The following PAX2 variants were observed in gnomAD, a reference collection of about 807,000 sequenced individuals.
PAX2 encodes paired box 2.
Under a neutral mutation model 41.7 loss-of-function variants are expected in PAX2, and 9 were observed. That is an observed-to-expected ratio of 0.22 (90% CI 0.13 to 0.38). The LOEUF is 0.38. Ranked by LOEUF, PAX2 falls within the 10% of genes least tolerant of loss-of-function variation. The pLI, the probability that PAX2 is intolerant of heterozygous loss-of-function variation, is 1.00. For missense variants in PAX2, 418 were observed against 531.6 expected (o/e 0.79, Z 2.10); for synonymous variants, 221 against 212.7 (o/e 1.04, Z -0.34).
intron 5 of PAX2, among the ~76,000 whole-genome samples, chr10:100,789,420 T>C (rs1847010627): frequency 6.6e-6 from 1 of 152,228 alleles, no homozygotes; most frequent in Non-Finnish European, 1.5e-5. Flanking sequence ...TTTGTGCTTC[T>C]CTAAGGAGAG....
At position 100,785,174 on chromosome 10, in the gene PAX2, G is replaced by A. The variant is rs1236663074; in HGVS notation, c.616+3809G>A. On this transcript the variant is annotated intron_variant, in intron 5 of 9. Coordinates refer to ENST00000355243, the MANE Select transcript of PAX2 (RefSeq NM_000278.5). ...ACTGTGTGAGCTGGTTTATGTGGCTGGAGGAGAGAGATTCTTGTATTTCCC... is the reference window on the plus strand; with the variant it reads ...ACTGTGTGAGCTGGTTTATGTGGCTAGAGGAGAGAGATTCTTGTATTTCCC... 2.0e-5 allele frequency among the ~76,000 whole-genome samples: 3 copies of A among 152,312 alleles called. No individual in the cohort carries two copies. In the East Asian group the frequency reaches 5.8e-4, roughly 29 times the overall value.
At chr10:100,814,351 CAAAA>C (rs11458573) in intron 7 of PAX2, among the ~76,000 whole-genome samples, 10 of 53,724 alleles carry the variant, frequency 1.9e-4, no homozygotes, top group African/African-American at 7.1e-4. Context: ...GACTCCATCT[CAAAA>C]AAAAAAAAAA....
At chr10:100,752,139 A>G (rs1252382024) in intron 3 of PAX2, among the ~76,000 whole-genome samples, 1 of 152,230 alleles carries the variant, frequency 6.6e-6, no homozygotes, top group Non-Finnish European at 1.5e-5. Flanking sequence ...CTCGTGCTGT[A>G]ATGTACTGCG....
upstream of PAX2, among the ~76,000 whole-genome samples, chr10:100,742,586 C>T (rs1379829485): frequency 3.3e-5 from 5 of 152,154 alleles, no homozygotes; most frequent in East Asian, 9.6e-4. Flanking sequence ...AAGCAAATCC[C>T]GAGATGGGTA....
chr10:100,801,479 G>A (rs1847561812), intron 5 of PAX2, among the ~76,000 whole-genome samples: 1 of 152,236 alleles, frequency 6.6e-6, no homozygotes, highest in Non-Finnish European at 1.5e-5. Context: ...AAGACCTGTA[G>A]TAGCTCACCC....
At chr10:100,822,294 C>G (rs1564745240) in intron 7 of PAX2, among the ~76,000 whole-genome samples, 1 of 152,022 alleles carries the variant, frequency 6.6e-6, no homozygotes, top group Non-Finnish European at 1.5e-5. Flanking sequence ...TCTTATCAGC[C>G]TATAAAAAAT....
chr10:100,736,499 C>G (rs1844779619), intron 1 of PAX2, among the ~76,000 whole-genome samples: 1 of 152,122 alleles, frequency 6.6e-6, no homozygotes, highest in Non-Finnish European at 1.5e-5. Context: ...GAACAGGTTT[C>G]CAGAGTTTTC....
intron 5 of PAX2, among the ~76,000 whole-genome samples, chr10:100,785,427 G>A (rs1212690687): frequency 2.0e-5 from 3 of 152,210 alleles, no homozygotes; most frequent in Non-Finnish European, 2.9e-5. Flanking sequence ...CCATGATTTT[G>A]CATTCCATTC....
chr10:100,789,652 G>A (rs528858236), intron 5 of PAX2, among the ~76,000 whole-genome samples: 8 of 152,230 alleles, frequency 5.3e-5, no homozygotes, highest in African/African-American at 1.9e-4. Flanking sequence ...GGTCCACTTA[G>A]TCCAAGAAAG....
intron 4 of PAX2, 63 bp from the exon 5 acceptor site, chr10:100,781,183 T>A: frequency 6.3e-7 from 1 of 1,580,270 alleles, no homozygotes; most frequent in South Asian, 1.1e-5. Flanking sequence ...CTTGGGGCTT[T>A]GGCCTACGAT....
At position 100,749,698 on chromosome 10, in the gene PAX2, G is replaced by C. The variant is rs116664440; in HGVS notation, c.44-48G>C. ...GGCCGCGGACCCTGACTAATGGCCG[G>C]TCCCTGCTGTGTGTGGGGTGTTGTG... On this transcript the variant is annotated intron_variant, in intron 1 of 9. Coordinates refer to ENST00000355243, the MANE Select transcript of PAX2 (RefSeq NM_000278.5). The C allele has an allele frequency of 2.3e-3, 3,670 of 1,587,550 alleles. 81 individuals are homozygous for C. The African/African-American group carries it at 0.043, about 19-fold the overall frequency.
At chr10:100,742,908 T>A (rs1367656961), upstream of PAX2, among the ~76,000 whole-genome samples, 1 of 122,772 alleles carries the variant, frequency 8.1e-6, no homozygotes, top group Non-Finnish European at 1.6e-5. Context: ...CCCACCCCTC[T>A]ACTAGACTGT....
intron 5 of PAX2, among the ~76,000 whole-genome samples, chr10:100,789,430 G>C (rs1354606005): frequency 6.6e-6 from 1 of 152,190 alleles, no homozygotes; most frequent in Non-Finnish European, 1.5e-5. Context: ...TCTAAGGAGA[G>C]GTGCTCTGTG....
chr10:100,761,886 A>G (rs1845854439), intron 3 of PAX2, among the ~76,000 whole-genome samples: 1 of 152,140 alleles, frequency 6.6e-6, no homozygotes, highest in Non-Finnish European at 1.5e-5. Flanking sequence ...ATTGAAGAGA[A>G]GGAGAAAAAG....
intron 3 of PAX2, among the ~76,000 whole-genome samples, chr10:100,765,946 CAT>C (rs1264256165): frequency 1.4e-5 from 2 of 141,142 alleles, no homozygotes; most frequent in African/African-American, 5.4e-5. Flanking sequence ...TCATCATCAT[CAT>C]AGTGGTTAAC....
At chr10:100,736,402 C>T (rs1377502295) in intron 1 of PAX2, among the ~76,000 whole-genome samples, 17 of 152,316 alleles carry the variant, frequency 1.1e-4, no homozygotes, top group African/African-American at 3.8e-4. Flanking sequence ...CAGCTCTGGA[C>T]TGCCCTTTAG....
At chr10:100,742,015 C>T (rs1225275953), upstream of PAX2, among the ~76,000 whole-genome samples, 3 of 152,166 alleles carry the variant, frequency 2.0e-5, no homozygotes, top group Admixed American at 6.5e-5. Flanking sequence ...GATGCTCCCG[C>T]GGCCCCCTCC....
chr10:100,784,262 T>C (rs1366289631), intron 5 of PAX2, among the ~76,000 whole-genome samples: 2 of 152,216 alleles, frequency 1.3e-5, no homozygotes, highest in African/African-American at 4.8e-5. Flanking sequence ...GAAGGCAGCC[T>C]CGGGCATGGG....
At position 100,791,198 on chromosome 10, in the gene PAX2, A is replaced by G. The variant is rs977364924; in HGVS notation, c.616+9833A>G. Among the ~76,000 whole-genome samples, 9 of 152,186 alleles carry G rather than the reference A, an allele frequency of 5.9e-5. No individual in the cohort carries two copies. The highest frequency in any genetic ancestry group is 1.5e-5 in the Non-Finnish European group (1 of 68,036). On this transcript the variant is annotated intron_variant, in intron 5 of 9. Coordinates refer to ENST00000355243, the MANE Select transcript of PAX2 (RefSeq NM_000278.5). The surrounding 1 kb of genome is among the most constrained non-coding windows in gnomAD (Gnocchi z 4.5). ...CTGCTTCAAAGCACCCTTTGTGCTCATCTCTACTGGAGACAAGTGTGTGGG... is the reference window on the plus strand; with the variant it reads ...CTGCTTCAAAGCACCCTTTGTGCTCGTCTCTACTGGAGACAAGTGTGTGGG...
Sources: gnomAD v4.1 joint callset for allele counts (sites outside exome capture counted in the v4.1 genomes callset) on GRCh38, gnomAD v4.1.1 for gene constraint, Gnocchi (gnomAD v3.1) non-coding constraint, MANE v1.5 for transcripts, NCBI Gene and HGNC (gene_info 2026-07-23, HGNC 2026-07-21) for gene names.